ZNF276: variants seen among roughly 807,000 people sequenced by gnomAD.
ZNF276 encodes the protein zinc finger protein 276.
ZNF276 carries 59 observed loss-of-function variants against 63.9 expected under a neutral mutation model. That is an observed-to-expected ratio of 0.92 (90% CI 0.75 to 1.15). The LOEUF is 1.15. Ranked by LOEUF, ZNF276 falls within the 50% of genes most tolerant of loss-of-function variation. The pLI is 0.00. For missense variants in ZNF276, 1,084 were observed against 843.8 expected (o/e 1.28, Z -3.53); for synonymous variants, 496 against 348.4 (o/e 1.42, Z -4.72).
rs1325596336 is a variant in ZNF276, at chr16:89,739,222, T to C, written c.*976T>C. 7 of 1,614,004 alleles carry C rather than the reference T, an allele frequency of 4.3e-6. No homozygotes were observed. The highest frequency in any genetic ancestry group is 5.9e-6 in the Non-Finnish European group (7 of 1,180,032). On this transcript the variant is annotated 3_prime_UTR_variant, in exon 11 of 11. Transcript: ENST00000443381. ...AAGAGCTGGACCAGCTTCAAGTACATGTCCACAGCAACATGCAGGAAGGCC... is the reference window on the plus strand; with the variant it reads ...AAGAGCTGGACCAGCTTCAAGTACACGTCCACAGCAACATGCAGGAAGGCC...
chr16:89,735,778 G>C (rs551560719), intron 9 of ZNF276, among the ~76,000 whole-genome samples: 1 of 151,988 alleles, frequency 6.6e-6, no homozygotes, highest in African/African-American at 2.4e-5. Flanking sequence ...GCAGTGGCGC[G>C]ATCTTGGCTC....
chr16:89,735,350 C>G (rs999939397), intron 9 of ZNF276, among the ~76,000 whole-genome samples: 1 of 152,050 alleles, frequency 6.6e-6, no homozygotes, highest in Non-Finnish European at 1.5e-5. Context: ...ACACAGTTTT[C>G]CTTGGTTTTG....
chr16:89,720,923 G>T, upstream of ZNF276: 1 of 1,252,420 alleles, frequency 8.0e-7, no homozygotes, highest in South Asian at 2.6e-5. Context: ...CGGAGGCCCG[G>T]AACGCAGCCG....
At position 89,723,182 on chromosome 16, in the gene ZNF276, G is replaced by C; in HGVS notation, c.555G>C (p.Leu185=). 1 of 1,613,226 alleles carries C rather than the reference G, an allele frequency of 6.2e-7. No homozygotes were observed. The highest frequency in any genetic ancestry group is 8.5e-7 in the Non-Finnish European group (1 of 1,180,044). Residue 185 remains leucine, a splice_region_variant and synonymous_variant, in exon 3 of 11, where the codon CTG becomes CTC. Coordinates refer to ENST00000443381, the MANE Select transcript of ZNF276 (RefSeq NM_001113525.2). ...CAGGGGCAGAGGAGGGAGCGTGTCTGGGTGAGTCCTCCCCCGGTGGAGGGT... is the reference window on the plus strand; with the variant it reads ...CAGGGGCAGAGGAGGGAGCGTGTCTCGGTGAGTCCTCCCCCGGTGGAGGGT... The part of the protein sequence containing the change: ...PPTGAEEGAC[L]VDLITSSPQC...
rs965667048 is a variant in ZNF276, at chr16:89,740,375, C to T, written c.*2129C>T. 1.9e-6 allele frequency: 1 copy of T among 512,856 alleles called. No homozygotes were observed. The highest frequency in any genetic ancestry group is 3.4e-5 in the East Asian group (1 of 29,100). 31.8% of individuals were successfully genotyped at this position (512,856 alleles called of 1,614,324 possible). Reference sequence around the variant, plus strand: ...GGCCCACAGGCCGGATGCAGTGGCTCATGCCTGTAATCCCAACACTTTGGG... The same window carrying T: ...GGCCCACAGGCCGGATGCAGTGGCTTATGCCTGTAATCCCAACACTTTGGG... On this transcript the variant is annotated 3_prime_UTR_variant, in exon 11 of 11. Coordinates refer to ENST00000443381, the MANE Select transcript of ZNF276 (RefSeq NM_001113525.2).
intron 1 of ZNF276, among the ~76,000 whole-genome samples, 186 bp downstream of exon 1, chr16:89,722,031 G>A (rs2061302885): frequency 1.3e-5 from 2 of 152,100 alleles, no homozygotes; most frequent in Admixed American, 1.3e-4. Context: ...CCGTGACGCC[G>A]GCGTCGCCGG....
intron 9 of ZNF276, among the ~76,000 whole-genome samples, chr16:89,735,728 T>TTGA (rs2061840305): frequency 6.6e-6 from 1 of 152,098 alleles, no homozygotes; most frequent in South Asian, 2.1e-4. Flanking sequence ...TTTTAATTTA[T>TTGA]TGATGGAAAC....
At chr16:89,729,681 C>T (rs1019070926) in intron 6 of ZNF276, among the ~76,000 whole-genome samples, 1 of 152,114 alleles carries the variant, frequency 6.6e-6, no homozygotes, top group Non-Finnish European at 1.5e-5. Flanking sequence ...AGTGTACCCC[C>T]GAAGCCCCCA....
At chr16:89,721,151 C>A (rs2061256370), upstream of ZNF276, 1 of 266,650 alleles carries the variant, frequency 3.8e-6, no homozygotes, top group Non-Finnish European at 7.0e-6. Context: ...GGGCGTCTAA[C>A]CGCGGCAGCC....
At position 89,733,569 on chromosome 16, in the gene ZNF276, C is replaced by T. The variant is rs764023805; in HGVS notation, c.1356+12C>T. 7 of 1,613,374 alleles carry T rather than the reference C, an allele frequency of 4.3e-6. No homozygotes were observed. Among genetic ancestry groups the T allele is most frequent in the Non-Finnish European group, 1.7e-6 (2 of 1,179,954 alleles). On this transcript the variant is annotated intron_variant, in intron 8 of 10. Coordinates refer to ENST00000443381, the MANE Select transcript of ZNF276 (RefSeq NM_001113525.2). ...CTGACGGCATGAAGGTGAGCACTGG[C>T]TGTGCCTGACCCAGGCCCGGCAGCT... is the stretch of plus-strand genomic sequence containing the variant.
chr16:89,734,113 C>A, intron 9 of ZNF276, 75 bp downstream of exon 9: 1 of 1,393,004 alleles, frequency 7.2e-7, no homozygotes, highest in Non-Finnish European at 1.0e-6. Flanking sequence ...CTTCCTCATA[C>A]CCATCCCCGC....
intron 6 of ZNF276, chr16:89,732,993 C>T (rs1258404053): frequency 1.5e-5 from 4 of 268,062 alleles, no homozygotes; most frequent in Non-Finnish European, 3.1e-5. Context: ...CCTGACCCTG[C>T]TGTACCCTGC....
Position 89,723,197 on chromosome 16 carries a change from C to G in ZNF276, c.556+14C>G. The G allele has an allele frequency of 1.9e-6, 3 of 1,613,124 alleles. No homozygotes were observed. Among genetic ancestry groups the G allele is most frequent in the Non-Finnish European group, 1.7e-6 (2 of 1,179,984 alleles). ...GAGCGTGTCTGGGTGAGTCCTCCCCCGGTGGAGGGTGGGCTGGGTGCCGAC... is the reference window on the plus strand; with the variant it reads ...GAGCGTGTCTGGGTGAGTCCTCCCCGGGTGGAGGGTGGGCTGGGTGCCGAC... On this transcript the variant is annotated intron_variant, in intron 3 of 10. Coordinates refer to ENST00000443381, the MANE Select transcript of ZNF276 (RefSeq NM_001113525.2).
intron 6 of ZNF276, among the ~76,000 whole-genome samples, chr16:89,730,750 C>T (rs921963101): frequency 6.6e-6 from 1 of 152,176 alleles, no homozygotes; most frequent in African/African-American, 2.4e-5. Flanking sequence ...CCCCAGCTGC[C>T]ACCGTGAGAC....
chr16:89,728,334 C>G (rs560802781), intron 5 of ZNF276, among the ~76,000 whole-genome samples: 2 of 151,958 alleles, frequency 1.3e-5, no homozygotes, highest in Non-Finnish European at 2.9e-5. Flanking sequence ...AAGTGATTCT[C>G]CCGCCTCAGC....
chr16:89,735,944 T>A (rs576387863), intron 9 of ZNF276, among the ~76,000 whole-genome samples: 2 of 148,996 alleles, frequency 1.3e-5, no homozygotes, highest in South Asian at 4.3e-4. Flanking sequence ...CAGGCTGGGG[T>A]GCAGTGGCAC....
rs551506231 is a variant in ZNF276 at position 89,733,305 on chromosome 16, C to G, written c.1173C>G (p.Val391=). The change falls in exon 7 of 11, where the codon GTC becomes GTG. Residue 391 remains valine, a synonymous_variant. Coordinates refer to ENST00000443381, the MANE Select transcript of ZNF276 (RefSeq NM_001113525.2). ...TTTGGGAACCTCTTTTTTTCAGAGT[C>G]TCTGGTAAGAAGAGTGAAAGCAAAG... ...ESFEPYPERK[V]SGKKSESKEA... The G allele has an allele frequency of 5.0e-6, 8 of 1,611,610 alleles. No individual in the cohort carries two copies. In the Admixed American group the frequency reaches 5.1e-5, roughly 10 times the overall value.
chr16:89,728,435 G>A (rs997069744), intron 5 of ZNF276, among the ~76,000 whole-genome samples: 16 of 151,330 alleles, frequency 1.1e-4, no homozygotes, highest in East Asian at 7.8e-4. Flanking sequence ...ACGGAGTCTC[G>A]CTGTGTTGCC....
At chr16:89,731,352 C>G (rs570089954) in intron 6 of ZNF276, among the ~76,000 whole-genome samples, 95 of 152,340 alleles carry the variant, frequency 6.2e-4, no homozygotes, top group African/African-American at 2.1e-3. Flanking sequence ...CTCCCGAGTT[C>G]AAGTGATTCT....
Sources: allele counts gnomAD v4.1 joint callset (sites outside exome capture counted in the v4.1 genomes callset), GRCh38; gene constraint gnomAD v4.1.1; transcripts MANE v1.5; gene names NCBI Gene and HGNC (gene_info 2026-07-23, HGNC 2026-07-21).